TLL2: variants seen among roughly 807,000 people sequenced by gnomAD.
The protein encoded by TLL2 is tolloid-like protein 2.
TLL2 carries 106 observed loss-of-function variants against 123.0 expected under a neutral mutation model. That is an observed-to-expected ratio of 0.86 (90% CI 0.74 to 1.01). The LOEUF (loss-of-function observed/expected upper bound fraction) is 1.01, where lower values mean the gene tolerates loss of function less well. Ranked by LOEUF, TLL2 falls within the 50% of genes least tolerant of loss-of-function variation. The pLI, the probability that TLL2 is intolerant of heterozygous loss-of-function variation, is 0.00. For missense variants in TLL2, 1,332 were observed against 1,336.7 expected (o/e 1.00, Z 0.06); for synonymous variants, 494 against 516.8 (o/e 0.96, Z 0.60).
intron 1 of TLL2, among the ~76,000 whole-genome samples, chr10:96,492,926 C>G (rs1847429586): frequency 1.3e-5 from 2 of 152,322 alleles, no homozygotes; most frequent in African/African-American, 4.8e-5. Flanking sequence ...AGGGGCCATA[C>G]AGGTCACTGG....
chr10:96,373,392 C>T (rs1437965843), intron 19 of TLL2: 5 of 512,438 alleles, frequency 9.8e-6, no homozygotes, highest in East Asian at 3.6e-5. Flanking sequence ...CCGCCTGCCT[C>T]GGCCTCCCAA....
chr10:96,490,135 T>C (rs935427759), intron 1 of TLL2, among the ~76,000 whole-genome samples: 2 of 152,000 alleles, frequency 1.3e-5, no homozygotes, highest in Non-Finnish European at 1.5e-5. Context: ...ATTAAAATAA[T>C]ATAGCTAGGA....
intron 4 of TLL2, among the ~76,000 whole-genome samples, chr10:96,429,735 C>T (rs1203382094): frequency 6.6e-6 from 1 of 152,184 alleles, no homozygotes; most frequent in African/African-American, 2.4e-5. Flanking sequence ...GCATGTACAT[C>T]TGTGTACTTT....
chr10:96,458,631 C>T (rs903289984), intron 2 of TLL2, among the ~76,000 whole-genome samples: 1 of 131,936 alleles, frequency 7.6e-6, no homozygotes. Flanking sequence ...ATCAGCCAGT[C>T]GTGGTGGCTC....
intron 13 of TLL2, among the ~76,000 whole-genome samples, chr10:96,389,981 G>T (rs1294835193): frequency 1.3e-5 from 2 of 152,218 alleles, no homozygotes; most frequent in African/African-American, 4.8e-5. Context: ...TCCCACTGTG[G>T]TAAAGCAGCA....
rs746060649 is a variant in TLL2 at position 96,384,695 on chromosome 10, C to T, written c.2086G>A (p.Gly696Ser). The T allele has an allele frequency of 3.1e-6, 5 of 1,612,748 alleles. No homozygotes were observed. The highest frequency in any genetic ancestry group is 4.2e-6 in the Non-Finnish European group (5 of 1,179,186). Residue 696 changes from glycine to serine, a missense_variant, in exon 16 of 21, where the codon GGC becomes AGC. Gly to Ser is a moderately conservative substitution (Grantham distance 56, BLOSUM62 0). Coordinates refer to ENST00000357947, the MANE Select transcript of TLL2 (RefSeq NM_012465.4). The part of the protein sequence containing the change: ...PDAKLHGRFC[G>S]SETPEVITSQ... ...GTGATGACCTCCGGCGTCTCAGAGC[C>T]GCAGAACCTGCCGTGCAGCTTGGCG...
At position 96,500,144 on chromosome 10, in the gene TLL2, C is replaced by CA. The variant is rs57153896; in HGVS notation, c.175+13366dup. ...AAGAAAAAGAAAAAAAAATCTCTAC[C>CA]AAAAAAAAAAAAAAAATACAAAAAT... On this transcript the variant is annotated intron_variant, in intron 1 of 20. Transcript: ENST00000357947. Among the ~76,000 whole-genome samples, 111 of 120,772 alleles carry CA rather than the reference C, an allele frequency of 9.2e-4. 2 individuals are homozygous for CA. The highest frequency in any genetic ancestry group is 3.0e-3 in the East Asian group (12 of 4,002). 79.2% of individuals were successfully genotyped at this position (120,772 alleles called of 152,430 possible).
At chr10:96,400,921 T>C (rs1846387157) in intron 10 of TLL2, among the ~76,000 whole-genome samples, 1 of 152,220 alleles carries the variant, frequency 6.6e-6, no homozygotes, top group Non-Finnish European at 1.5e-5. Context: ...ACCAATTTGA[T>C]ATCTTTAACC....
chr10:96,480,288 C>T (rs2281800), intron 2 of TLL2, 61 bp downstream of exon 2: 508,887 of 1,389,128 alleles, frequency 0.37, 97,844 homozygotes, highest in Middle Eastern at 0.44. Context: ...ACCACATCTC[C>T]CCCTGCTGAA....
At chr10:96,493,243 C>T (rs1415550581) in intron 1 of TLL2, among the ~76,000 whole-genome samples, 6 of 152,210 alleles carry the variant, frequency 3.9e-5, no homozygotes, top group Non-Finnish European at 5.9e-5. Flanking sequence ...TAACTCTTAA[C>T]TGCCATGCGT....
intron 19 of TLL2, 97 bp downstream of exon 19, chr10:96,373,499 A>C: frequency 8.4e-7 from 1 of 1,185,514 alleles, no homozygotes; most frequent in Non-Finnish European, 1.2e-6. Context: ...GCCCTCCCCC[A>C]GTCAGAATAA....
At chr10:96,478,318 G>C (rs1054155114) in intron 2 of TLL2, among the ~76,000 whole-genome samples, 1 of 152,218 alleles carries the variant, frequency 6.6e-6, no homozygotes, top group Non-Finnish European at 1.5e-5. Flanking sequence ...GGGAGACCAA[G>C]ACTCAAAGCC....
intron 9 of TLL2, among the ~76,000 whole-genome samples, chr10:96,407,243 GA>G: frequency 6.6e-6 from 1 of 152,166 alleles, no homozygotes; most frequent in Non-Finnish European, 1.5e-5. Context: ...CCATGTCAGA[GA>G]AACCCTTCCC....
chr10:96,480,120 C>A (rs1373285438), intron 2 of TLL2, among the ~76,000 whole-genome samples: 1 of 152,198 alleles, frequency 6.6e-6, no homozygotes, highest in Non-Finnish European at 1.5e-5. Flanking sequence ...CCAGCCTGAA[C>A]CCTCTGATAA....
intron 2 of TLL2, among the ~76,000 whole-genome samples, chr10:96,476,871 C>CACACACAG (rs1199048450): frequency 1.0e-4 from 14 of 135,898 alleles, no homozygotes; most frequent in African/African-American, 4.1e-4. Flanking sequence ...CACACACACA[C>CACACACAG]ACACACACAC....
chr10:96,448,443 G>A (rs1846921644), intron 2 of TLL2, among the ~76,000 whole-genome samples: 1 of 90,006 alleles, frequency 1.1e-5, no homozygotes. Context: ...GGGAACTCGG[G>A]TGTTAGTATT....
intron 3 of TLL2, among the ~76,000 whole-genome samples, chr10:96,443,777 G>T (rs1846870703): frequency 6.6e-6 from 1 of 152,148 alleles, no homozygotes; most frequent in African/African-American, 2.4e-5. Context: ...CAAAGTGAAG[G>T]ACCATTGAGT....
rs181319843 is a variant in TLL2, at chr10:96,446,357, C to T, written c.287-189G>A. Among the ~76,000 whole-genome samples the T allele has an allele frequency of 7.2e-5, 11 of 152,282 alleles. No homozygotes were observed. In the East Asian group the frequency reaches 1.2e-3, roughly 16 times the overall value. On this transcript the variant is annotated intron_variant, in intron 2 of 20. Transcript: ENST00000357947. ...ACTATTCTAGATGTGAGGGCAAAAA[C>T]GAACCTGCTTTGTTTAATAACCACA...
In TLL2 at chr10:96,513,295, GC is replaced by G. The variant is rs199820582; in HGVS notation, c.175+215del. Among the ~76,000 whole-genome samples, 1,209 of 152,218 alleles carry G rather than the reference GC, an allele frequency of 7.9e-3. 20 individuals carry two copies. The highest frequency in any genetic ancestry group is 0.028 in the African/African-American group (1,156 of 41,536). ...TCGCTTTGGGAACGCGCCAGCTGTCGCCCCCCGGTGCGCACCGCAAACCTGG... is the reference window on the plus strand; with the variant it reads ...TCGCTTTGGGAACGCGCCAGCTGTCGCCCCCGGTGCGCACCGCAAACCTGG... On this transcript the variant is annotated intron_variant, in intron 1 of 20. Transcript: ENST00000357947.
Sources: allele counts gnomAD v4.1 joint callset (sites outside exome capture counted in the v4.1 genomes callset), GRCh38; gene constraint gnomAD v4.1.1; transcripts MANE v1.5; gene names NCBI Gene and HGNC (gene_info 2026-07-23, HGNC 2026-07-21).